Variants in NAALADL2 observed in about 807,000 individuals in gnomAD.
NAALADL2 encodes inactive N-acetylated-alpha-linked acidic dipeptidase-like protein 2.
NAALADL2 carries 76 observed loss-of-function variants against 87.2 expected under a neutral mutation model. The observed-to-expected ratio is 0.87, with a 90% confidence interval of 0.72 to 1.05. NAALADL2 has a LOEUF of 1.05. Among genes scored for constraint, NAALADL2 ranks in the 50% least tolerant of loss-of-function variants. The pLI is 0.00. For synonymous variants in NAALADL2, 354 were observed against 331.0 expected, an observed-to-expected ratio of 1.07 and a Z score of -0.75; for missense variants, 1,089 against 945.8, an observed-to-expected ratio of 1.15 and a Z score of -1.99.
intron 9 of NAALADL2, among the ~76,000 whole-genome samples, chr3:175,505,272 A>G (rs999965809): frequency 6.6e-6 from 1 of 151,926 alleles, no homozygotes; most frequent in Admixed American, 6.6e-5. Flanking sequence ...TCGAGAAAAA[A>G]AAAAAAAAAG....
chr3:174,957,440 T>C (rs1741314413), intron 1 of NAALADL2, among the ~76,000 whole-genome samples: 1 of 152,066 alleles, frequency 6.6e-6, no homozygotes, highest in African/African-American at 2.4e-5. Flanking sequence ...TGTTTTGATT[T>C]TGATTAGATT....
intron 2 of NAALADL2, among the ~76,000 whole-genome samples, chr3:175,186,066 G>A (rs984985308): frequency 3.9e-5 from 6 of 151,944 alleles, no homozygotes; most frequent in Non-Finnish European, 8.8e-5. Context: ...TTAACAGCTG[G>A]AGGTGTCAGT....
At chr3:175,404,896 C>A (rs1051129318) in intron 5 of NAALADL2, among the ~76,000 whole-genome samples, 3 of 152,126 alleles carry the variant, frequency 2.0e-5, no homozygotes, top group Admixed American at 2.0e-4. Flanking sequence ...TAATCACTTG[C>A]AGTTGTATTT....
chr3:174,492,758 CAAAAT>C (rs1206002178), intron 1 of NAALADL2, among the ~76,000 whole-genome samples: 2 of 152,138 alleles, frequency 1.3e-5, no homozygotes, highest in Non-Finnish European at 2.9e-5. Flanking sequence ...ATTACTAAGA[CAAAAT>C]AAGACAACAT....
chr3:174,608,661 G>A (rs1719409232), intron 2 of NAALADL2, among the ~76,000 whole-genome samples: 1 of 151,958 alleles, frequency 6.6e-6, no homozygotes, highest in African/African-American at 2.4e-5. Flanking sequence ...TGAAATTGTG[G>A]CAATAATCAA....
intron 6 of NAALADL2, among the ~76,000 whole-genome samples, chr3:175,457,620 A>C (rs768839641): frequency 2.0e-5 from 3 of 152,078 alleles, no homozygotes; most frequent in Admixed American, 2.0e-4. Flanking sequence ...CTTTGGCTCA[A>C]ATGATCCTCT....
chr3:175,342,218 A>G (rs1762633652), intron 5 of NAALADL2, among the ~76,000 whole-genome samples: 1 of 152,138 alleles, frequency 6.6e-6, no homozygotes, highest in South Asian at 2.1e-4. Context: ...AGTGTCAGAA[A>G]AAAATATATA....
At chr3:175,386,670 A>G (rs1458267527) in intron 5 of NAALADL2, among the ~76,000 whole-genome samples, 1 of 152,142 alleles carries the variant, frequency 6.6e-6, no homozygotes, top group African/African-American at 2.4e-5. Context: ...TAAACTTCAT[A>G]AATTTCAAAT....
chr3:175,156,428 G>A (rs1192518107), intron 2 of NAALADL2, among the ~76,000 whole-genome samples: 1 of 152,038 alleles, frequency 6.6e-6, no homozygotes, highest in African/African-American at 2.4e-5. Flanking sequence ...AATTCCTTAT[G>A]TGATCAATGA....
At chr3:174,814,457 G>A (rs762885580) in intron 3 of NAALADL2, among the ~76,000 whole-genome samples, 7 of 152,054 alleles carry the variant, frequency 4.6e-5, no homozygotes, top group African/African-American at 1.2e-4. Context: ...TGTATCTTGC[G>A]TGTGATCTTT....
At chr3:174,454,807 C>T (rs1715718573) in intron 1 of NAALADL2, among the ~76,000 whole-genome samples, 1 of 152,050 alleles carries the variant, frequency 6.6e-6, no homozygotes, top group African/African-American at 2.4e-5. Flanking sequence ...AACAACCTAA[C>T]ATCACACAAC....
chr3:175,150,984 G>A (rs539524650), intron 2 of NAALADL2, among the ~76,000 whole-genome samples: 2 of 152,230 alleles, frequency 1.3e-5, no homozygotes, highest in South Asian at 2.1e-4. Context: ...AGTGCTGGGG[G>A]TTGTAGCTGA....
chr3:175,341,381 C>A (rs915883560), intron 5 of NAALADL2, among the ~76,000 whole-genome samples: 1 of 152,084 alleles, frequency 6.6e-6, no homozygotes, highest in Non-Finnish European at 1.5e-5. Flanking sequence ...TGATACACCA[C>A]GTATTGTTTA....
intron 3 of NAALADL2, among the ~76,000 whole-genome samples, chr3:174,765,690 G>T (rs1232423135): frequency 6.6e-6 from 1 of 151,922 alleles, no homozygotes; most frequent in Non-Finnish European, 1.5e-5. Flanking sequence ...CAGGATTTAG[G>T]GCAGCTTTGC....
chr3:174,568,797 A>C (rs761744097), intron 2 of NAALADL2, among the ~76,000 whole-genome samples: 5 of 151,280 alleles, frequency 3.3e-5, no homozygotes, highest in Admixed American at 6.6e-5. Context: ...GTGTTTGTGG[A>C]TTTATTCCAC....
In NAALADL2 at chr3:174,671,833, C is replaced by A. The variant is rs76545077; in HGVS notation, c.-114-65808C>A. On this transcript the variant is annotated intron_variant, in intron 2 of 3. Transcript: ENST00000434257. ...TCCACATATGTGAAAATGAAGATTT[C>A]AGCATTTCTGACCAAATAAGGTTCT... Among the ~76,000 whole-genome samples the A allele has an allele frequency of 4.2e-3, 639 of 152,052 alleles. 2 individuals carry two copies. Among genetic ancestry groups the A allele is most frequent in the African/African-American group, 0.015 (624 of 41,510 alleles).
intron 1 of NAALADL2, among the ~76,000 whole-genome samples, chr3:174,528,286 A>G (rs1156713790): frequency 6.6e-6 from 1 of 152,194 alleles, no homozygotes; most frequent in Non-Finnish European, 1.5e-5. Flanking sequence ...AAACTTTCAT[A>G]GTGTGCATAG....
chr3:175,793,307 CTTTTTT>C (rs66905230), intron 13 of NAALADL2, among the ~76,000 whole-genome samples: 6 of 116,932 alleles, frequency 5.1e-5, no homozygotes, highest in African/African-American at 1.9e-4. Flanking sequence ...CATTTTCTTT[CTTTTTT>C]TTTTTTTTTT....
At chr3:175,680,341 T>G (rs187471539) in intron 11 of NAALADL2, among the ~76,000 whole-genome samples, 29 of 152,350 alleles carry the variant, frequency 1.9e-4, no homozygotes, top group Non-Finnish European at 3.2e-4. Context: ...TTTATTTACT[T>G]GTTCTAGCAC....
Sources: allele counts gnomAD v4.1 joint callset (sites outside exome capture counted in the v4.1 genomes callset), GRCh38; gene constraint gnomAD v4.1.1; transcripts MANE v1.5; gene names NCBI Gene and HGNC (gene_info 2026-07-23, HGNC 2026-07-21).